The following XRRA1 variants were observed in gnomAD, a reference collection of about 807,000 sequenced individuals.
The protein encoded by XRRA1 is X-ray radiation resistance associated 1.
Under a neutral mutation model 80.2 loss-of-function variants are expected in XRRA1, and 69 were observed. That is an observed-to-expected ratio of 0.86 (90% CI 0.71 to 1.05). The LOEUF is 1.05. Ranked by LOEUF, XRRA1 falls within the 50% of genes least tolerant of loss-of-function variation. The pLI is 0.00. For missense variants in XRRA1, 967 were observed against 976.4 expected (o/e 0.99, Z 0.13); for synonymous variants, 348 against 389.9 (o/e 0.89, Z 1.27).
intron 8 of XRRA1, among the ~76,000 whole-genome samples, chr11:74,912,577 G>A (rs2056155071): frequency 6.6e-6 from 1 of 152,134 alleles, no homozygotes; most frequent in Non-Finnish European, 1.5e-5. Flanking sequence ...AAATAGTATG[G>A]ACGTTGCAGA....
intron 10 of XRRA1, among the ~76,000 whole-genome samples, chr11:74,874,203 T>C (rs1234696415): frequency 8.9e-6 from 1 of 112,408 alleles, no homozygotes; most frequent in Non-Finnish European, 1.6e-5. Flanking sequence ...GCCACTGCGC[T>C]CCAGCCTGGG....
At chr11:74,920,004 TGCAA>T in intron 8 of XRRA1, 7 of 82,956 alleles carry the variant, frequency 8.4e-5, no homozygotes, top group South Asian at 6.0e-4. Context: ...GTTATAAAAC[TGCAA>T]AAAAAAAAAA....
At chr11:74,876,750 T>C (rs962877151) in intron 10 of XRRA1, 2 of 152,136 alleles carry the variant, frequency 1.3e-5, no homozygotes, top group Non-Finnish European at 1.5e-5. Flanking sequence ...TGTGAAGAAA[T>C]AGGAGATCTT....
At chr11:74,852,526 C>G (rs558810418) in intron 12 of XRRA1, among the ~76,000 whole-genome samples, 1 of 152,168 alleles carries the variant, frequency 6.6e-6, no homozygotes, top group Non-Finnish European at 1.5e-5. Context: ...CAGCACAAAC[C>G]TCTACACACT....
chr11:74,875,883 A>G (rs977026549), intron 10 of XRRA1, among the ~76,000 whole-genome samples: 3 of 152,062 alleles, frequency 2.0e-5, no homozygotes, highest in Non-Finnish European at 4.4e-5. Context: ...AATAATAATA[A>G]TCCCCTTAAC....
At chr11:74,924,214 G>A (rs1164468193) in intron 7 of XRRA1, among the ~76,000 whole-genome samples, 2 of 150,356 alleles carry the variant, frequency 1.3e-5, no homozygotes, top group Non-Finnish European at 3.0e-5. Flanking sequence ...GGTGGCTCAC[G>A]CCTGTAATCC....
chr11:74,848,516 C>T (rs1591528909), intron 14 of XRRA1, 54 bp from the exon 15 acceptor site: 1 of 1,497,410 alleles, frequency 6.7e-7, no homozygotes, highest in South Asian at 1.3e-5. Context: ...ATTCTCTCCT[C>T]CTGGGCCTCA....
intron 7 of XRRA1, among the ~76,000 whole-genome samples, chr11:74,925,881 A>C (rs1417256778): frequency 6.6e-6 from 1 of 152,190 alleles, no homozygotes; most frequent in Non-Finnish European, 1.5e-5. Flanking sequence ...ACTCTCTGAA[A>C]AAGTAAAAGA....
intron 3 of XRRA1, among the ~76,000 whole-genome samples, chr11:74,940,331 G>A (rs58689865): frequency 1.9e-3 from 284 of 152,278 alleles, no homozygotes; most frequent in African/African-American, 6.5e-3. Flanking sequence ...GACAGCTCAC[G>A]AGAGGATGGG....
At chr11:74,906,479 T>C (rs767624899) in intron 9 of XRRA1, 23 bp from the exon 10 acceptor site, 31 of 1,610,636 alleles carry the variant, frequency 1.9e-5, no homozygotes, top group East Asian at 6.7e-5. Flanking sequence ...AAAGTGAATA[T>C]AGAATCATAG....
chr11:74,870,637 C>T (rs1490724440), intron 10 of XRRA1, among the ~76,000 whole-genome samples: 1 of 152,166 alleles, frequency 6.6e-6, no homozygotes, highest in Non-Finnish European at 1.5e-5. Context: ...TCCCCGCTTG[C>T]TCTGGAGATC....
intron 10 of XRRA1, among the ~76,000 whole-genome samples, chr11:74,900,824 A>G (rs999182326): frequency 6.6e-6 from 1 of 152,220 alleles, no homozygotes; most frequent in Non-Finnish European, 1.5e-5. Flanking sequence ...TAAAAGCTAT[A>G]TATGACAGAC....
At position 74,845,205 on chromosome 11, in the gene XRRA1, T is replaced by C. The variant is rs1432180227; in HGVS notation, c.1795A>G (p.Lys599Glu). 6.2e-7 allele frequency: 1 copy of C among 1,614,050 alleles called. No individual in the cohort carries two copies. The highest frequency in any genetic ancestry group is 1.7e-5 in the Admixed American group (1 of 60,032). ...ACCTCTCTGGGTGCCGTTGGTGGTTTCTTTTGGTCTTTCTCCTTTAACTCT... is the reference window on the plus strand; with the variant it reads ...ACCTCTCTGGGTGCCGTTGGTGGTTCCTTTTGGTCTTTCTCCTTTAACTCT... ...DLELKEKDQK[K>E]PPTAPREVKG... The change falls in exon 16 of 19, where the codon AAA (lysine) becomes GAA (glutamate). Residue 599 changes from lysine (K) to glutamate (E), a missense_variant. Coordinates refer to ENST00000684022, the MANE Select transcript of XRRA1 (RefSeq NM_001378157.1).
intron 10 of XRRA1, among the ~76,000 whole-genome samples, chr11:74,892,492 T>G (rs1380673841): frequency 9.9e-5 from 15 of 152,114 alleles, no homozygotes; most frequent in East Asian, 1.9e-4. Context: ...GACATAGGCA[T>G]GGGCAAGGAC....
chr11:74,868,071 G>A (rs1417969129), intron 10 of XRRA1, among the ~76,000 whole-genome samples: 3 of 151,932 alleles, frequency 2.0e-5, no homozygotes, highest in Admixed American at 6.6e-5. Context: ...ACAAGCATGC[G>A]TCACCGCACC....
intron 10 of XRRA1, among the ~76,000 whole-genome samples, chr11:74,904,096 G>C (rs553856963): frequency 6.6e-6 from 1 of 151,962 alleles, no homozygotes; most frequent in African/African-American, 2.4e-5. Flanking sequence ...CTAAGAATGA[G>C]GTTCAATCTT....
rs190612372 is a variant in XRRA1 at position 74,885,100 on chromosome 11, C to A, written c.1003+21139G>T. ...GCAACACAGTGAGACCTTGTCTCTA[C>A]AAAATATCAAAAAATTAGCTGGGTA... On this transcript the variant is annotated intron_variant, in intron 10 of 18. Coordinates refer to ENST00000684022, the MANE Select transcript of XRRA1 (RefSeq NM_001378157.1). 4.4e-3 allele frequency among the ~76,000 whole-genome samples: 667 copies of A among 151,922 alleles called. 5 individuals are homozygous for A. The highest frequency in any genetic ancestry group is 7.0e-3 in the Non-Finnish European group (477 of 67,942).
intron 3 of XRRA1, among the ~76,000 whole-genome samples, chr11:74,939,862 AGC>A (rs1403276427): frequency 6.9e-6 from 1 of 145,348 alleles, no homozygotes; most frequent in Non-Finnish European, 1.5e-5. Context: ...AGAGAGAGAG[AGC>A]GAGAGCAAGA....
intron 15 of XRRA1, 63 bp from the exon 16 acceptor site, chr11:74,845,334 C>G: frequency 6.6e-7 from 1 of 1,512,678 alleles, no homozygotes; most frequent in South Asian, 1.2e-5. Context: ...CATGAACATT[C>G]GGAGTATCAT....
Sources: allele counts gnomAD v4.1 joint callset (sites outside exome capture counted in the v4.1 genomes callset), GRCh38; gene constraint gnomAD v4.1.1; transcripts MANE v1.5; gene names NCBI Gene and HGNC (gene_info 2026-07-23, HGNC 2026-07-21).